The following RHPN2 variants were observed in gnomAD, a reference collection of about 807,000 sequenced individuals.
The protein encoded by RHPN2 is rhophilin-2.
A neutral mutation model predicts 79.0 loss-of-function variants in RHPN2; 40 were observed. That is an observed-to-expected ratio of 0.51 (90% CI 0.39 to 0.66). The LOEUF (loss-of-function observed/expected upper bound fraction) is 0.66. Ranked by LOEUF, RHPN2 falls within the 30% of genes least tolerant of loss-of-function variation. The pLI, the probability that RHPN2 is intolerant of heterozygous loss-of-function variation, is 0.00. For missense variants in RHPN2, 686 were observed against 883.5 expected (o/e 0.78, Z 2.83); for synonymous variants, 285 against 363.5 (o/e 0.78, Z 2.46).
intron 2 of RHPN2, among the ~76,000 whole-genome samples, chr19:33,033,142 C>T (rs1389225329): frequency 6.6e-6 from 1 of 152,138 alleles, no homozygotes; most frequent in Non-Finnish European, 1.5e-5. Flanking sequence ...TCTGGCATAG[C>T]CCTTTCCACA....
At chr19:33,025,437 G>T (rs1449132869) in intron 3 of RHPN2, among the ~76,000 whole-genome samples, 1 of 151,600 alleles carries the variant, frequency 6.6e-6, no homozygotes, top group Non-Finnish European at 1.5e-5. Flanking sequence ...AGCTGAGATC[G>T]CTCCACTGCA....
intron 6 of RHPN2, among the ~76,000 whole-genome samples, chr19:33,009,677 G>A (rs1971821154): frequency 6.6e-6 from 1 of 152,028 alleles, no homozygotes; most frequent in Non-Finnish European, 1.5e-5. Flanking sequence ...CTGGTCTCAA[G>A]CTCCTGGGCT....
chr19:32,991,798 C>T (rs374507748), intron 13 of RHPN2, 25 bp downstream of exon 13: 16 of 1,613,732 alleles, frequency 9.9e-6, no homozygotes, highest in African/African-American at 1.3e-5. Context: ...GTGTTTGCTG[C>T]CAATCAAGAA....
intron 7 of RHPN2, among the ~76,000 whole-genome samples, chr19:33,004,038 ATTTAT>A (rs1363445739): frequency 3.3e-5 from 5 of 152,056 alleles, no homozygotes; most frequent in Non-Finnish European, 5.9e-5. Flanking sequence ...TTAAAAATGT[ATTTAT>A]TTTATTTATT....
At chr19:33,010,736 C>A (rs532101202) in intron 6 of RHPN2, among the ~76,000 whole-genome samples, 3 of 151,704 alleles carry the variant, frequency 2.0e-5, no homozygotes, top group African/African-American at 7.3e-5. Flanking sequence ...GGCTGGAGTA[C>A]GGTGGTGTGA....
chr19:32,980,230 C>T lies in RHPN2; in HGVS notation c.1827G>A (p.Val609=), dbSNP rs370426943. 1.6e-5 allele frequency: 26 copies of T among 1,613,754 alleles called. No homozygotes were observed. Among genetic ancestry groups the T allele is most frequent in the Non-Finnish European group, 2.1e-5 (25 of 1,179,864 alleles). ...SMHNKSATYS[V]GMQKTYSMIC... The stretch of plus-strand genomic sequence containing the variant: ...TCATGGAGTACGTTTTCTGCATTCC[C>T]ACGGAGTATGTGGCACTCTTATTAT... The change falls in exon 15 of 15, where the codon GTG becomes GTA. Residue 609 remains valine, a synonymous_variant. Coordinates refer to ENST00000254260, the MANE Select transcript of RHPN2 (RefSeq NM_033103.5).
intron 11 of RHPN2, among the ~76,000 whole-genome samples, chr19:32,994,663 T>A (rs1971686960): frequency 6.6e-6 from 1 of 151,912 alleles, no homozygotes; most frequent in Admixed American, 6.6e-5. Flanking sequence ...CTGGCACTCA[T>A]AAAACCCTAA....
In RHPN2 at chr19:32,996,070, T is replaced by G. The variant is rs1971698326; in HGVS notation, c.1376A>C (p.Glu459Ala). 6.2e-7 allele frequency: 1 copy of G among 1,613,994 alleles called. No individual in the cohort carries two copies. Among genetic ancestry groups the G allele is most frequent in the East Asian group, 2.2e-5 (1 of 44,874 alleles). Residue 459 changes from glutamate (E) to alanine (A), a missense_variant, in exon 11 of 15, where the codon GAG (glutamate) becomes GCG (alanine). Coordinates refer to ENST00000254260, the MANE Select transcript of RHPN2 (RefSeq NM_033103.5). ...RSRLTYAQHQEEDDLLNLIDA... is the reference protein window; with the variant it reads ...RSRLTYAQHQAEDDLLNLIDA... ...GATCAGGTTCAGCAGGTCATCCTCC[T>G]CCTGGTGCTGGGCGTACGTGAGCCG...
At chr19:33,049,056 G>C (rs759586200) in intron 1 of RHPN2, among the ~76,000 whole-genome samples, 4 of 152,102 alleles carry the variant, frequency 2.6e-5, no homozygotes, top group Non-Finnish European at 5.9e-5. Context: ...CAGGTTTCTA[G>C]ATAAGGCATA....
intron 2 of RHPN2, among the ~76,000 whole-genome samples, chr19:33,041,686 C>G (rs570120508): frequency 6.6e-6 from 1 of 152,272 alleles, no homozygotes; most frequent in East Asian, 1.9e-4. Flanking sequence ...GCCTCTCTGA[C>G]CACCCTCTGT....
intron 4 of RHPN2, among the ~76,000 whole-genome samples, chr19:33,013,671 ACATT>A (rs1971855420): frequency 1.3e-5 from 2 of 151,998 alleles, no homozygotes; most frequent in Admixed American, 6.6e-5. Context: ...TATGGCCTAT[ACATT>A]CAACTATACT....
Position 33,008,016 on chromosome 19 carries a change from G to A in RHPN2, c.758C>T (p.Ala253Val). The change falls in exon 7 of 15, where the codon GCA (alanine) becomes GTA (valine). Residue 253 changes from alanine to valine, a missense_variant and splice_region_variant. Physicochemically the swap from Ala to Val is moderately conservative, Grantham distance 64. Transcript: ENST00000254260. ...ESAIDAFQRA[A>V]GVLNYLKDTF... The stretch of plus-strand genomic sequence containing the variant: ...GGTCAGCCCTGGAGGAGACATACCT[G>A]CGGCTCTCTGAAAGGCATCTATGGC... The A allele has an allele frequency of 6.2e-7, 1 of 1,612,120 alleles. No homozygotes were observed. Among genetic ancestry groups the A allele is most frequent in the Non-Finnish European group, 8.5e-7 (1 of 1,179,922 alleles).
intron 12 of RHPN2, 108 bp downstream of exon 12, chr19:32,993,869 A>ATTTT: frequency 1.2e-6 from 1 of 832,846 alleles, no homozygotes; most frequent in South Asian, 1.3e-5. Context: ...TAAGCCCCCC[A>ATTTT]GTTTGAGGCA....
At chr19:32,983,378 G>A (rs1173200470) in intron 14 of RHPN2, among the ~76,000 whole-genome samples, 1 of 151,994 alleles carries the variant, frequency 6.6e-6, no homozygotes, top group Admixed American at 6.6e-5. Flanking sequence ...CGGGCGTGGT[G>A]GCGGGCACCT....
chr19:33,012,038 C>CT (rs34140133), intron 5 of RHPN2, among the ~76,000 whole-genome samples: 31,304 of 126,320 alleles, frequency 0.25, 4,227 homozygotes, highest in Middle Eastern at 0.35. Context: ...GGTTTTCCTT[C>CT]TTTTTTTTTT....
rs540168656 is a variant in RHPN2, at chr19:33,052,852, G to C, written c.70-8488C>G. On this transcript the variant is annotated intron_variant, in intron 1 of 14. Coordinates refer to ENST00000254260, the MANE Select transcript of RHPN2 (RefSeq NM_033103.5). ...CAATCCATTCACACAGGGGTGGAGG[G>C]GGGCTCGATATGAGTCAACACAGCC... Among the ~76,000 whole-genome samples, 415 of 152,296 alleles carry C rather than the reference G, an allele frequency of 2.7e-3. 1 individual carries two copies. The highest frequency in any genetic ancestry group is 9.7e-3 in the African/African-American group (401 of 41,552).
chr19:33,061,476 A>ATT (rs749163139), intron 1 of RHPN2, among the ~76,000 whole-genome samples: 2 of 135,928 alleles, frequency 1.5e-5, no homozygotes, highest in African/African-American at 2.7e-5. Context: ...AAGTGCTGGG[A>ATT]TTTTTTTTTT....
At chr19:33,036,613 C>T (rs1381181756) in intron 2 of RHPN2, among the ~76,000 whole-genome samples, 1 of 152,198 alleles carries the variant, frequency 6.6e-6, no homozygotes, top group African/African-American at 2.4e-5. Flanking sequence ...CGAGCCGGCT[C>T]CCTCAGCTTC....
At position 32,990,547 on chromosome 19, in the gene RHPN2, T is replaced by G; in HGVS notation, c.1767A>C (p.Lys589Asn). The G allele has an allele frequency of 6.2e-7, 1 of 1,613,870 alleles. No homozygotes were observed. Among genetic ancestry groups the G allele is most frequent in the Middle Eastern group, 1.7e-4 (1 of 6,056 alleles). ...KSFGEDEIEM[K>N]VVSLLDSTSS... ...ATGTGGAGTCCAGGAGGCTCACGAC[T>G]TTCATCTCGATCTCGTCCTCGCCAA... is the stretch of plus-strand genomic sequence containing the variant. The change falls in exon 14 of 15, where the codon AAA becomes AAC. Residue 589 changes from lysine to asparagine, a missense_variant. Physicochemically the swap from Lys to Asn is moderately conservative, Grantham distance 94 (BLOSUM62 0). Coordinates refer to ENST00000254260, the MANE Select transcript of RHPN2 (RefSeq NM_033103.5).
Sources: allele counts gnomAD v4.1 joint callset (sites outside exome capture counted in the v4.1 genomes callset), GRCh38; gene constraint gnomAD v4.1.1; transcripts MANE v1.5; gene names NCBI Gene and HGNC (gene_info 2026-07-23, HGNC 2026-07-21).